EVL: variants seen among roughly 807,000 people sequenced by gnomAD.
The protein encoded by EVL is ena/VASP-like protein.
Under a neutral mutation model 59.6 loss-of-function variants are expected in EVL, and 21 were observed. The observed-to-expected ratio is 0.35, with a 90% CI of 0.25 to 0.51. The LOEUF is 0.51. Ranked by LOEUF, EVL falls within the 20% of genes least tolerant of loss-of-function variation. The pLI, the probability that EVL is intolerant of heterozygous loss-of-function variation, is 0.97. For synonymous variants in EVL, 198 were observed against 203.5 expected (o/e 0.97, Z 0.23); for missense variants, 462 against 546.6 (o/e 0.85, Z 1.54).
At chr14:100,137,969 C>G in intron 11 of EVL, 167 bp downstream of exon 11, 2 of 653,986 alleles carry the variant, frequency 3.1e-6, no homozygotes. Context: ...TCCTGTCAGT[C>G]AGCTGCTCCG....
chr14:99,985,062 C>G (rs115424739), intron 1 of EVL, among the ~76,000 whole-genome samples: 1 of 152,014 alleles, frequency 6.6e-6, no homozygotes, highest in Non-Finnish European at 1.5e-5. Context: ...TTAGGCTCCT[C>G]TTGGTGCTGA....
intron 1 of EVL, among the ~76,000 whole-genome samples, chr14:99,987,321 C>G (rs1011475547): frequency 1.3e-5 from 2 of 152,128 alleles, no homozygotes; most frequent in Admixed American, 1.3e-4. Flanking sequence ...GGGTTGAACT[C>G]TCATATATGG....
chr14:100,050,131 G>C (rs530551244), intron 1 of EVL, among the ~76,000 whole-genome samples: 1 of 152,094 alleles, frequency 6.6e-6, no homozygotes, highest in Non-Finnish European at 1.5e-5. Flanking sequence ...CTCCCACCCC[G>C]TAAAAACATT....
intron 1 of EVL, among the ~76,000 whole-genome samples, chr14:100,043,319 A>C (rs1371642315): frequency 1.3e-5 from 2 of 151,846 alleles, no homozygotes; most frequent in Non-Finnish European, 2.9e-5. Context: ...GTATATGTAT[A>C]TGTATAGATA....
chr14:100,069,818 C>T (rs1295162973), intron 1 of EVL, among the ~76,000 whole-genome samples: 2 of 152,182 alleles, frequency 1.3e-5, no homozygotes, highest in Non-Finnish European at 2.9e-5. Flanking sequence ...AAAATAACAA[C>T]AGCTCAGCTT....
At chr14:100,112,434 T>C (rs1887063750) in intron 3 of EVL, among the ~76,000 whole-genome samples, 1 of 152,232 alleles carries the variant, frequency 6.6e-6, no homozygotes, top group African/African-American at 2.4e-5. Context: ...GTCTCAGTCC[T>C]TGCCCAGAAC....
rs756651317 is a variant in EVL at position 100,143,763 on chromosome 14, C to G, written c.*25C>G. ...AGGGGCCGGCCTCGCTGCGCTGATT[C>G]GTCGAGCCCATCCGGCGACAGAGGA... is the stretch of plus-strand genomic sequence containing the variant. On this transcript the variant is annotated 3_prime_UTR_variant, in exon 14 of 14. Coordinates refer to ENST00000392920, the MANE Select transcript of EVL (RefSeq NM_016337.3). 2 of 1,609,022 alleles carry G rather than the reference C, an allele frequency of 1.2e-6. No homozygotes were observed. The highest frequency in any genetic ancestry group is 1.3e-5 in the African/African-American group (1 of 74,866).
chr14:99,992,504 GTCAAA>G (rs1302907314), intron 1 of EVL, among the ~76,000 whole-genome samples: 3 of 152,110 alleles, frequency 2.0e-5, no homozygotes, highest in African/African-American at 7.2e-5. Context: ...GGACATCATT[GTCAAA>G]TCAAATGTCT....
intron 9 of EVL, 96 bp downstream of exon 9, chr14:100,136,064 G>A (rs1371023029): frequency 1.4e-6 from 2 of 1,400,844 alleles, no homozygotes; most frequent in East Asian, 2.3e-5. Context: ...AGCCTCTTTA[G>A]TATGCCTGAG....
At chr14:100,063,519 T>G (rs1247909970), upstream of EVL, among the ~76,000 whole-genome samples, 1 of 152,206 alleles carries the variant, frequency 6.6e-6, no homozygotes, top group Non-Finnish European at 1.5e-5. Flanking sequence ...AAACCAATGC[T>G]GCATGGAAAA....
chr14:100,070,062 TAA>T lies in EVL; in HGVS notation c.11+4567_11+4568del, dbSNP rs569848858. ...GGCATCATAGTAAGACCTCCTCTCT[TAA>T]AAAAAAAAAAAAAAAGAAAGAAAGA... On this transcript the variant is annotated intron_variant, in intron 1 of 13. Coordinates refer to ENST00000392920, the MANE Select transcript of EVL (RefSeq NM_016337.3). Among the ~76,000 whole-genome samples, 159 of 122,274 alleles carry T rather than the reference TAA, an allele frequency of 1.3e-3. 1 individual carries two copies. The East Asian group carries it at 0.017, about 13-fold the overall frequency. 80.2% of individuals were successfully genotyped at this position (122,274 alleles called of 152,430 possible). A position where few individuals can be genotyped will look rare whatever the true frequency, so the allele number is the denominator to read the frequency against.
chr14:100,057,618 T>C (rs140282515), intron 1 of EVL, among the ~76,000 whole-genome samples: 321 of 152,276 alleles, frequency 2.1e-3, no homozygotes, highest in Non-Finnish European at 3.8e-3. Context: ...GGAACTGAAC[T>C]GTGAGTGAAC....
chr14:99,984,010 C>T (rs1441357418), intron 1 of EVL, among the ~76,000 whole-genome samples: 1 of 152,186 alleles, frequency 6.6e-6, no homozygotes, highest in Admixed American at 6.5e-5. Context: ...AGCACTGGTA[C>T]TTGGCACTTG....
At chr14:100,143,130 C>CG (rs1163184324) in intron 13 of EVL, among the ~76,000 whole-genome samples, 11 of 151,962 alleles carry the variant, frequency 7.2e-5, no homozygotes, top group Admixed American at 7.2e-4. Context: ...TTTGGGAGGC[C>CG]GGGGGTTGGA....
At chr14:99,984,185 C>T (rs985914855) in intron 1 of EVL, among the ~76,000 whole-genome samples, 1 of 152,178 alleles carries the variant, frequency 6.6e-6, no homozygotes, top group African/African-American at 2.4e-5. Flanking sequence ...TTATTATGTG[C>T]TTAATGACTT....
At chr14:100,032,636 A>G (rs531772303) in intron 1 of EVL, among the ~76,000 whole-genome samples, 15 of 152,208 alleles carry the variant, frequency 9.9e-5, no homozygotes, top group Non-Finnish European at 1.5e-4. Context: ...ATCTGCACTC[A>G]CCACTTTGCT....
At chr14:100,134,667 G>C (rs1026116044) in intron 8 of EVL, 1 of 152,238 alleles carries the variant, frequency 6.6e-6, no homozygotes, top group Non-Finnish European at 1.5e-5. Context: ...CATGCACTAA[G>C]TTTATCATTA....
intron 1 of EVL, among the ~76,000 whole-genome samples, chr14:100,003,933 G>A (rs1465338835): frequency 2.0e-5 from 3 of 152,162 alleles, no homozygotes; most frequent in South Asian, 2.1e-4. Context: ...GGACAGATGC[G>A]GTGGCTCACA....
At chr14:100,051,738 G>T (rs1468072203) in intron 1 of EVL, among the ~76,000 whole-genome samples, 1 of 152,074 alleles carries the variant, frequency 6.6e-6, no homozygotes, top group South Asian at 2.1e-4. Flanking sequence ...TATTCCTGGG[G>T]GTACATAAAG....
Sources: gnomAD v4.1 joint callset for allele counts (sites outside exome capture counted in the v4.1 genomes callset) on GRCh38, gnomAD v4.1.1 for gene constraint, MANE v1.5 for transcripts, NCBI Gene and HGNC (gene_info 2026-07-23, HGNC 2026-07-21) for gene names.